The following HMCN2 variants were observed in gnomAD, a reference collection of about 807,000 sequenced individuals.
The protein encoded by HMCN2 is hemicentin 2.
In HMCN2, 325 loss-of-function variants were observed where a neutral mutation model predicts 377.5. That is an observed-to-expected ratio of 0.86 (90% CI 0.79 to 0.94). The LOEUF (loss-of-function observed/expected upper bound fraction) is 0.94, where lower values mean the gene tolerates loss of function less well. HMCN2 is among the 40% of genes least tolerant of loss of function. The pLI, the probability that HMCN2 is intolerant of heterozygous loss-of-function variation, is 0.00. For synonymous variants in HMCN2, 2,007 were observed against 2,046.8 expected, an observed-to-expected ratio of 0.98 and a Z score of 0.53; for missense variants, 4,543 against 4,725.3, an observed-to-expected ratio of 0.96 and a Z score of 1.13.
At chr9:130,364,993 C>G in intron 41 of HMCN2, 104 bp downstream of exon 41, 20 of 677,218 alleles carry the variant, frequency 3.0e-5, no homozygotes, top group South Asian at 6.5e-5. Flanking sequence ...CCTTTCCCCT[C>G]AGGGGATGGA....
chr9:130,397,672 A>G lies in HMCN2; in HGVS notation c.11326+17A>G, dbSNP rs1842672269. 7.8e-7 allele frequency: 1 copy of G among 1,289,564 alleles called. No individual in the cohort carries two copies. Among genetic ancestry groups the G allele is most frequent in the South Asian group, 1.2e-5 (1 of 80,998 alleles). 79.9% of individuals were successfully genotyped at this position (1,289,564 alleles called of 1,614,324 possible). On this transcript the variant is annotated intron_variant, in intron 74 of 97. Coordinates refer to ENST00000683500, the MANE Select transcript of HMCN2 (RefSeq NM_001291815.2). ...GGGTCTTGGGTAGGTGGCCTGGGGA[A>G]GGCCTTCAGTGTCCAGTCCCTGTCG...
At chr9:130,306,008 TTTGCTTTCTCTGTC>T in intron 11 of HMCN2, 107 bp from the exon 12 acceptor site, 1 of 405,244 alleles carries the variant, frequency 2.5e-6, no homozygotes, top group Non-Finnish European at 5.2e-6. Flanking sequence ...CTCTGGGGTC[TTTGCTTTCTCTGTC>T]TTGCCCATCT....
At chr9:130,283,993 T>C (rs1835281647) in intron 1 of HMCN2, among the ~76,000 whole-genome samples, 1 of 152,252 alleles carries the variant, frequency 6.6e-6, no homozygotes, top group African/African-American at 2.4e-5. Flanking sequence ...ACTTCCATTG[T>C]TGCTCAAAGT....
Position 130,295,079 on chromosome 9 carries a change from A to G in HMCN2, c.784+53A>G, listed in dbSNP as rs1009081038. On this transcript the variant is annotated intron_variant, in intron 5 of 97. Transcript: ENST00000683500. ...TCTTTGGCCCCAAGACTGAGGTGGA[A>G]GCCCAGGATGGGACAAAGAAAGAGA... 8 of 381,382 alleles carry G rather than the reference A, an allele frequency of 2.1e-5. No homozygotes were observed. In the East Asian group the frequency reaches 7.1e-4, roughly 34 times the overall value. 23.6% of individuals were successfully genotyped at this position (381,382 alleles called of 1,614,324 possible). A position where few individuals can be genotyped will look rare whatever the true frequency, so the allele number is the denominator to read the frequency against.
At chr9:130,413,977 C>A in intron 85 of HMCN2, among the ~76,000 whole-genome samples, 1 of 125,916 alleles carries the variant, frequency 7.9e-6, no homozygotes, top group African/African-American at 3.2e-5. Flanking sequence ...GAAACCCCAT[C>A]TCTACCAAAA....
rs1209404716 is a variant in HMCN2 at position 130,303,475 on chromosome 9, C to T, written c.1422-12C>T. 14 of 447,536 alleles carry T rather than the reference C, an allele frequency of 3.1e-5. No homozygotes were observed. The East Asian group carries it at 1.1e-3, about 35-fold the overall frequency. The allele number at this position is 447,536 out of a possible 1,614,324, so 27.7% of individuals were successfully genotyped here. ...GTGTGATTGTGTGTCTCCCACTGTTCCCTGTTTGCAGGGAGTCGGGAAACA... is the reference window on the plus strand; with the variant it reads ...GTGTGATTGTGTGTCTCCCACTGTTTCCTGTTTGCAGGGAGTCGGGAAACA... On this transcript the variant is annotated splice_polypyrimidine_tract_variant and intron_variant, in intron 9 of 97. Transcript: ENST00000683500. This position sits in a 1 kb window ranked among gnomAD's most constrained non-coding sequence, Gnocchi z 5.2.
intron 22 of HMCN2, among the ~76,000 whole-genome samples, chr9:130,337,586 A>G (rs1395479280): frequency 5.9e-5 from 9 of 152,242 alleles, no homozygotes; most frequent in African/African-American, 1.9e-4. Context: ...AGATGAGGAA[A>G]TGGAGGCTCC....
intron 83 of HMCN2, among the ~76,000 whole-genome samples, chr9:130,407,920 C>T (rs1487766206): frequency 6.6e-6 from 1 of 152,182 alleles, no homozygotes; most frequent in East Asian, 1.9e-4. Flanking sequence ...GCCTAGGCAT[C>T]GGTATTTTTG....
At position 130,393,019 on chromosome 9, in the gene HMCN2, A is replaced by G. The variant is rs1842416809; in HGVS notation, c.10137-193A>G. Reference sequence around the variant, plus strand: ...TCACCATCTCAAAAAAAAAAAAGAAAAAGAGAGAGTTTAAGCAAAGGCTGG... The same window carrying G: ...TCACCATCTCAAAAAAAAAAAAGAAGAAGAGAGAGTTTAAGCAAAGGCTGG... On this transcript the variant is annotated intron_variant, in intron 66 of 97. Coordinates refer to ENST00000683500, the MANE Select transcript of HMCN2 (RefSeq NM_001291815.2). The surrounding 1 kb of genome is among the most constrained non-coding windows in gnomAD (Gnocchi z 5.2). 6.6e-6 allele frequency among the ~76,000 whole-genome samples: 1 copy of G among 152,050 alleles called. No homozygotes were observed. The highest frequency in any genetic ancestry group is 6.5e-5 in the Admixed American group (1 of 15,304).
chr9:130,294,830 A>C (rs782563565), intron 4 of HMCN2, 25 bp from the exon 5 acceptor site: 1 of 407,690 alleles, frequency 2.5e-6, no homozygotes, highest in South Asian at 1.8e-5. Context: ...ACCTGCCGGC[A>C]TCAGCTCCTC....
intron 43 of HMCN2, among the ~76,000 whole-genome samples, chr9:130,367,394 G>C (rs1024672637): frequency 2.6e-5 from 4 of 152,128 alleles, no homozygotes; most frequent in African/African-American, 9.7e-5. Context: ...TGGCCACTGG[G>C]TCTGCTTCCC....
intron 94 of HMCN2, 55 bp downstream of exon 94, chr9:130,429,740 G>A (rs1844625093): frequency 1.4e-5 from 18 of 1,295,132 alleles, no homozygotes; most frequent in South Asian, 4.7e-5. Context: ...AGGGGTTACC[G>A]GATGCAGGGC....
At chr9:130,329,314 G>A (rs1462261396) in intron 22 of HMCN2, among the ~76,000 whole-genome samples, 1 of 152,182 alleles carries the variant, frequency 6.6e-6, no homozygotes, top group Admixed American at 6.5e-5. Context: ...AGCCAGATGA[G>A]TGCCTGCTTC....
Position 130,391,096 on chromosome 9 carries a change from A to G in HMCN2, c.9643A>G (p.Lys3215Glu). 1.0e-6 allele frequency: 1 copy of G among 987,768 alleles called. No individual in the cohort carries two copies. Among genetic ancestry groups the G allele is most frequent in the Non-Finnish European group, 1.2e-6 (1 of 830,190 alleles). 61.2% of individuals were successfully genotyped at this position (987,768 alleles called of 1,614,324 possible). ...TGAGAACACCCAGGCTGAGGCCCGC[A>G]AGGACTTCGTGGTAGCAGTGCTGGG... ...VAENTQAEAR[K>E]DFVVAVLVAP... Residue 3215 changes from lysine (K) to glutamate (E), a missense_variant, in exon 63 of 98, where the codon AAG (lysine) becomes GAG (glutamate). This residue lies in a region of HMCN2 where 736 missense variants were observed against 773.2 expected (regional missense o/e 0.95). Transcript: ENST00000683500.
In HMCN2 at chr9:130,303,726, G is replaced by T. The variant is rs868933960; in HGVS notation, c.1543+118G>T. 5 of 204,084 alleles carry T rather than the reference G, an allele frequency of 2.4e-5. No individual in the cohort carries two copies. The Middle Eastern group carries it at 1.5e-3, about 60-fold the overall frequency. 12.6% of individuals were successfully genotyped at this position (204,084 alleles called of 1,614,324 possible). A position where few individuals can be genotyped will look rare whatever the true frequency, so the allele number is the denominator to read the frequency against. ...CTGCTGGGACAATTCGTCATGCCGG[G>T]TCTGGCTGCCCAGGCTGCCACCTGC... On this transcript the variant is annotated intron_variant, in intron 10 of 97. Coordinates refer to ENST00000683500, the MANE Select transcript of HMCN2 (RefSeq NM_001291815.2). The surrounding 1 kb of genome is among the most constrained non-coding windows in gnomAD (Gnocchi z 5.2).
chr9:130,380,328 C>G (rs1841640767), intron 54 of HMCN2, among the ~76,000 whole-genome samples: 1 of 152,166 alleles, frequency 6.6e-6, no homozygotes, highest in Non-Finnish European at 1.5e-5. Flanking sequence ...AAATGCCCGG[C>G]CCACCTGGCT....
chr9:130,319,935 A>T (rs1215813660), intron 16 of HMCN2, among the ~76,000 whole-genome samples: 1 of 152,064 alleles, frequency 6.6e-6, no homozygotes, highest in African/African-American at 2.4e-5. Flanking sequence ...CAGCCACTTT[A>T]TGGGGCTGTT....
At position 130,382,778 on chromosome 9, in the gene HMCN2, C is replaced by A; in HGVS notation, c.8645C>A (p.Pro2882His). Residue 2882 changes from proline (P) to histidine (H), a missense_variant, in exon 56 of 98, where the codon CCC becomes CAC. Pro to His is a moderately conservative substitution (Grantham distance 77). This residue lies in a region of HMCN2 where 736 missense variants were observed against 773.2 expected (regional missense o/e 0.95). Coordinates refer to ENST00000683500, the MANE Select transcript of HMCN2 (RefSeq NM_001291815.2). ...VSLQCPALGN[P>H]VPTISWLQNG... Reference sequence around the variant, plus strand: ...CTGCAGTGCCCGGCCCTGGGAAACCCCGTGCCCACCATCTCATGGCTCCAG... The same window carrying A: ...CTGCAGTGCCCGGCCCTGGGAAACCACGTGCCCACCATCTCATGGCTCCAG... 2 of 985,976 alleles carry A rather than the reference C, an allele frequency of 2.0e-6. No homozygotes were observed. Among genetic ancestry groups the A allele is most frequent in the Non-Finnish European group, 2.4e-6 (2 of 829,992 alleles). 61.1% of individuals were successfully genotyped at this position (985,976 alleles called of 1,614,324 possible). A position where few individuals can be genotyped will look rare whatever the true frequency, so the allele number is the denominator to read the frequency against.
Position 130,404,900 on chromosome 9 carries a change from C to T in HMCN2, c.12180C>T (p.Asp4060=). 7.8e-7 allele frequency: 1 copy of T among 1,283,038 alleles called. No homozygotes were observed. The highest frequency in any genetic ancestry group is 1.0e-6 in the Non-Finnish European group (1 of 985,368). 79.5% of individuals were successfully genotyped at this position (1,283,038 alleles called of 1,614,324 possible). A position where few individuals can be genotyped will look rare whatever the true frequency, so the allele number is the denominator to read the frequency against. ...VPPVIENGLP[D]LSTTEGSHAF... is the part of the protein sequence containing the mutation. ...CAGTGATCGAGAATGGCCTCCCAGA[C>T]CTGTCCACCACCGAAGGCTCCCACG... is the stretch of plus-strand genomic sequence containing the variant. The change falls in exon 81 of 98, where the codon GAC becomes GAT. Residue 4060 remains aspartate, a synonymous_variant. Transcript: ENST00000683500.
Sources: gnomAD v4.1 joint callset for allele counts (sites outside exome capture counted in the v4.1 genomes callset) on GRCh38, gnomAD v4.1.1 for gene constraint, gnomAD v4.1.1 regional missense constraint, Gnocchi (gnomAD v3.1) non-coding constraint, MANE v1.5 for transcripts, NCBI Gene and HGNC (gene_info 2026-07-23, HGNC 2026-07-21) for gene names.